The following B3GLCT variants were observed in gnomAD, a reference collection of about 807,000 sequenced individuals.
B3GLCT encodes beta-1,3-glucosyltransferase.
In B3GLCT, 65 loss-of-function variants were observed where a neutral mutation model predicts 63.4. The ratio of observed to expected loss-of-function variants is 1.03; its 90% CI spans 0.84 to 1.26. The LOEUF (loss-of-function observed/expected upper bound fraction) is 1.26. Ranked by LOEUF, B3GLCT falls within the 50% of genes most tolerant of loss-of-function variation. The pLI is 0.00. For synonymous variants in B3GLCT, 233 were observed against 219.2 expected (o/e 1.06, Z -0.55); for missense variants, 577 against 604.8 (o/e 0.95, Z 0.48).
intron 12 of B3GLCT, among the ~76,000 whole-genome samples, chr13:31,301,893 C>T (rs1292495827): frequency 1.3e-5 from 2 of 152,194 alleles, no homozygotes; most frequent in East Asian, 1.9e-4. Flanking sequence ...TCAATTTCTA[C>T]TTTATTCATT....
At chr13:31,232,148 C>A (rs1165098271) in intron 4 of B3GLCT, among the ~76,000 whole-genome samples, 1 of 152,256 alleles carries the variant, frequency 6.6e-6, no homozygotes, top group Non-Finnish European at 1.5e-5. Context: ...CCAGCTTCAT[C>A]TTCCACCGCT....
chr13:31,317,513 A>G (rs1875103334), intron 12 of B3GLCT, 53 bp from the exon 13 acceptor site: 13 of 1,610,420 alleles, frequency 8.1e-6, no homozygotes, highest in Non-Finnish European at 1.1e-5. Flanking sequence ...AAACTGTTCC[A>G]TAACCACGTT....
chr13:31,316,297 G>A (rs1346537233), intron 12 of B3GLCT, among the ~76,000 whole-genome samples: 6 of 150,654 alleles, frequency 4.0e-5, no homozygotes, highest in African/African-American at 1.5e-4. Flanking sequence ...GCAGCCACAG[G>A]GGCTGTCCCC....
chr13:31,316,407 T>TTATATATACATACATATATATATA (rs1555255280), intron 12 of B3GLCT, among the ~76,000 whole-genome samples: 2 of 40,866 alleles, frequency 4.9e-5, no homozygotes, highest in African/African-American at 1.3e-4. Context: ...TTTGGAGGTT[T>TTATATATACATACATATATATATA]TATATATATA....
At chr13:31,254,060 G>A (rs1020425964) in intron 6 of B3GLCT, among the ~76,000 whole-genome samples, 13 of 152,022 alleles carry the variant, frequency 8.6e-5, no homozygotes, top group East Asian at 5.8e-4. Flanking sequence ...AAAAAAGTCC[G>A]GGACCAGACA....
chr13:31,297,759 C>T (rs915459066), intron 12 of B3GLCT, among the ~76,000 whole-genome samples: 7 of 152,148 alleles, frequency 4.6e-5, no homozygotes, highest in South Asian at 4.1e-4. Context: ...AGCTTCACGT[C>T]GGGGTTCTTA....
chr13:31,254,464 C>G (rs1871616062), intron 6 of B3GLCT, among the ~76,000 whole-genome samples: 1 of 152,124 alleles, frequency 6.6e-6, no homozygotes, highest in African/African-American at 2.4e-5. Context: ...ATTCAACAGC[C>G]CTTCATGCTA....
chr13:31,313,019 C>A (rs1874802285), intron 12 of B3GLCT: 1 of 152,180 alleles, frequency 6.6e-6, no homozygotes, highest in Admixed American at 6.5e-5. Context: ...CAGATATAAA[C>A]CTGATTGGAA....
Position 31,247,034 on chromosome 13 carries a change from T to C in B3GLCT, c.282T>C (p.Ser94=). 2 of 1,611,908 alleles carry C rather than the reference T, an allele frequency of 1.2e-6. No homozygotes were observed. Among genetic ancestry groups the C allele is most frequent in the Non-Finnish European group, 1.7e-6 (2 of 1,178,506 alleles). ...QAADLTQELP[S]VLLLHQLAKQ... is the part of the protein sequence containing the mutation. ...CATTGTTTTCTCAGGAGCTCCCCAG[T>C]GTCCTCCTCCTTCATCAGCTGGCTA... Residue 94 remains serine, a synonymous_variant, in exon 5 of 15, where the codon AGT becomes AGC. Transcript: ENST00000343307.
intron 6 of B3GLCT, among the ~76,000 whole-genome samples, chr13:31,252,017 T>C (rs1160593843): frequency 1.3e-5 from 2 of 152,170 alleles, no homozygotes; most frequent in African/African-American, 4.8e-5. Context: ...ACAGCGGATC[T>C]CTCAGCAGAA....
intron 6 of B3GLCT, among the ~76,000 whole-genome samples, chr13:31,259,578 T>C (rs1871916931): frequency 6.6e-6 from 1 of 151,532 alleles, no homozygotes. Flanking sequence ...GCTTAGGTCA[T>C]TGAGGGAAAC....
At chr13:31,208,335 C>G (rs1221417594) in intron 1 of B3GLCT, among the ~76,000 whole-genome samples, 1 of 152,158 alleles carries the variant, frequency 6.6e-6, no homozygotes, top group Non-Finnish European at 1.5e-5. Context: ...TGCAGTTCCC[C>G]TGAGCCGTCC....
Position 31,219,752 on chromosome 13 carries a change from A to G in B3GLCT, c.121-3200A>G, listed in dbSNP as rs77964111. On this transcript the variant is annotated intron_variant, in intron 2 of 14. Coordinates refer to ENST00000343307, the MANE Select transcript of B3GLCT (RefSeq NM_194318.4). ...GTTTAAACGTTTACCTGATAAGACA[A>G]GAACAATTCCTATAAGCAGCCTTTT... Among the ~76,000 whole-genome samples the G allele has an allele frequency of 7.7e-3, 1,180 of 152,354 alleles. 17 individuals are homozygous for G. Among genetic ancestry groups the G allele is most frequent in the African/African-American group, 0.027 (1,134 of 41,588 alleles).
chr13:31,246,951 C>CTTTTCTTTTTTTTTTTTTTTTT, intron 4 of B3GLCT, 72 bp from the exon 5 acceptor site: 1 of 778,770 alleles, frequency 1.3e-6, no homozygotes, highest in Non-Finnish European at 2.0e-6. Context: ...CTTTTCTTTT[C>CTTTTCTTTTTTTTTTTTTTTTT]TTTTTTTTTT....
chr13:31,264,379 T>C (rs4943293), intron 7 of B3GLCT, among the ~76,000 whole-genome samples: 105,352 of 152,004 alleles, frequency 0.69, 36,770 homozygotes, highest in Middle Eastern at 0.78. Context: ...GTGTGTCATC[T>C]GCTCGTCACA....
intron 12 of B3GLCT, among the ~76,000 whole-genome samples, chr13:31,287,315 TG>T (rs1873384308): frequency 6.6e-6 from 1 of 152,156 alleles, no homozygotes; most frequent in African/African-American, 2.4e-5. Flanking sequence ...TACCCGATGC[TG>T]GGGAAAGACC....
chr13:31,254,269 C>T (rs62135255), intron 6 of B3GLCT, among the ~76,000 whole-genome samples: 4 of 152,184 alleles, frequency 2.6e-5, no homozygotes, highest in African/African-American at 4.8e-5. Context: ...AACATCAATG[C>T]GAAGATCCTC....
intron 1 of B3GLCT, among the ~76,000 whole-genome samples, chr13:31,200,680 G>A (rs1430597785): frequency 1.3e-5 from 2 of 151,970 alleles, no homozygotes; most frequent in African/African-American, 4.8e-5. Flanking sequence ...ACCCCCGGGG[G>A]CGAGGACTGC....
intron 12 of B3GLCT, among the ~76,000 whole-genome samples, chr13:31,298,860 A>G (rs764898151): frequency 4.6e-5 from 7 of 152,252 alleles, no homozygotes; most frequent in South Asian, 2.1e-4. Flanking sequence ...TGAAGGAGCA[A>G]CACAGTCACA....
Sources: allele counts gnomAD v4.1 joint callset (sites outside exome capture counted in the v4.1 genomes callset), GRCh38; gene constraint gnomAD v4.1.1; transcripts MANE v1.5; gene names NCBI Gene and HGNC (gene_info 2026-07-23, HGNC 2026-07-21).